Variants in NDC1 observed in about 807,000 individuals in gnomAD.
The protein encoded by NDC1 is nucleoporin NDC1.
A neutral mutation model predicts 89.8 loss-of-function variants in NDC1; 24 were observed. That is an observed-to-expected ratio of 0.27 (90% confidence interval 0.19 to 0.38). The LOEUF (loss-of-function observed/expected upper bound fraction) is 0.38. Among genes scored for constraint, NDC1 ranks in the 10% least tolerant of loss-of-function variants. NDC1 has a pLI of 1.00. For missense variants in NDC1, 728 were observed against 797.6 expected (o/e 0.91, Z 1.05); for synonymous variants, 296 against 284.8 (o/e 1.04, Z -0.39).
chr1:53,800,172 TAG>T (rs950685696), intron 11 of NDC1, among the ~76,000 whole-genome samples: 1 of 152,088 alleles, frequency 6.6e-6, no homozygotes, highest in Non-Finnish European at 1.5e-5. Flanking sequence ...TGCATATACT[TAG>T]AGTGTACAAC....
At chr1:53,787,956 G>A (rs905530534) in intron 15 of NDC1, among the ~76,000 whole-genome samples, 18 of 150,686 alleles carry the variant, frequency 1.2e-4, no homozygotes, top group Admixed American at 4.0e-4. Flanking sequence ...GCACTGAGAC[G>A]GCTGTATCTA....
intron 15 of NDC1, 44 bp downstream of exon 15, chr1:53,789,089 A>G (rs1298173039): frequency 3.2e-6 from 4 of 1,233,074 alleles, no homozygotes; most frequent in Non-Finnish European, 4.8e-6. Context: ...TCAATATTTA[A>G]CTGACAATTA....
chr1:53,773,999 C>T (rs1647141457), intron 16 of NDC1, among the ~76,000 whole-genome samples: 1 of 152,162 alleles, frequency 6.6e-6, no homozygotes, highest in South Asian at 2.1e-4. Flanking sequence ...TTACTTGGTG[C>T]TTCTCCCACC....
At chr1:53,825,500 A>C (rs758306100) in intron 5 of NDC1, among the ~76,000 whole-genome samples, 8 of 151,150 alleles carry the variant, frequency 5.3e-5, no homozygotes, top group Middle Eastern at 3.2e-3. Context: ...TGTCATCATC[A>C]TCTTCCCCAA....
At chr1:53,788,971 CTAAATA>C (rs1336898084) in intron 15 of NDC1, among the ~76,000 whole-genome samples, 156 bp downstream of exon 15, 3 of 151,430 alleles carry the variant, frequency 2.0e-5, no homozygotes, top group Non-Finnish European at 4.4e-5. Flanking sequence ...CAAAATACGC[CTAAATA>C]TATTTTTCAA....
At position 53,766,199 on chromosome 1, in the gene NDC1, C is replaced by A. The variant is rs1457069262; in HGVS notation, c.*1771G>T. 6.6e-6 allele frequency: 1 copy of A among 152,114 alleles called. No individual in the cohort carries two copies. The highest frequency in any genetic ancestry group is 1.5e-5 in the Non-Finnish European group (1 of 68,032). The allele number at this position is 152,114 out of a possible 1,614,324, so 9.4% of individuals were successfully genotyped here. ...ACCTAACCTAGCTGGACATTTTATA[C>A]AAGTAAGTCAAAGTTCAAAGGAATC... is the stretch of plus-strand genomic sequence containing the variant. On this transcript the variant is annotated 3_prime_UTR_variant, in exon 18 of 18. Transcript: ENST00000371429.
chr1:53,811,692 G>A (rs1443854671), intron 6 of NDC1, among the ~76,000 whole-genome samples: 1 of 150,038 alleles, frequency 6.7e-6, no homozygotes. Flanking sequence ...CAATACAAAG[G>A]ACATATAATC....
intron 14 of NDC1, among the ~76,000 whole-genome samples, chr1:53,790,075 C>T (rs1184019587): frequency 6.6e-6 from 1 of 151,204 alleles, no homozygotes; most frequent in East Asian, 1.9e-4. Flanking sequence ...TGCATTCCAG[C>T]CTGGGATAGC....
At chr1:53,781,046 C>T (rs1452304863) in intron 16 of NDC1, among the ~76,000 whole-genome samples, 1 of 151,810 alleles carries the variant, frequency 6.6e-6, no homozygotes, top group African/African-American at 2.4e-5. Context: ...TTTATAGACA[C>T]TGTCTCACTA....
intron 13 of NDC1, 109 bp downstream of exon 13, chr1:53,796,580 T>TAA (rs57490546): frequency 8.3e-4 from 358 of 430,948 alleles, no homozygotes; most frequent in South Asian, 2.1e-3. Context: ...ACACGAAGCA[T>TAA]AAAAAAAAAA....
At position 53,799,145 on chromosome 1, in the gene NDC1, C is replaced by CT. The variant is rs1336817085; in HGVS notation, c.1222+1547dup. ...ATATCTCTATAGAATAAAATCTAAA[C>CT]TTTTTTTGTTGCAAACAAGGCTTCC... On this transcript the variant is annotated intron_variant, in intron 11 of 17. Transcript: ENST00000371429. Among the ~76,000 whole-genome samples, 6 of 152,294 alleles carry CT rather than the reference C, an allele frequency of 3.9e-5. No individual in the cohort carries two copies. The South Asian group carries it at 1.0e-3, about 26-fold the overall frequency.
chr1:53,823,723 T>C (rs1045738796), intron 5 of NDC1, among the ~76,000 whole-genome samples: 1 of 152,226 alleles, frequency 6.6e-6, no homozygotes, highest in Non-Finnish European at 1.5e-5. Flanking sequence ...TTTTTCTCCT[T>C]GTGAAATTTT....
chr1:53,791,042 C>T (rs1187653195), intron 14 of NDC1, among the ~76,000 whole-genome samples: 1 of 152,190 alleles, frequency 6.6e-6, no homozygotes, highest in Non-Finnish European at 1.5e-5. Flanking sequence ...TCCTCCTACC[C>T]TCTACCCATC....
At chr1:53,778,371 C>T (rs1647179418) in intron 16 of NDC1, among the ~76,000 whole-genome samples, 1 of 150,902 alleles carries the variant, frequency 6.6e-6, no homozygotes, top group Admixed American at 6.6e-5. Flanking sequence ...GACTATAGAC[C>T]CATATTCTAT....
intron 6 of NDC1, among the ~76,000 whole-genome samples, chr1:53,813,306 T>A (rs772259099): frequency 6.6e-6 from 1 of 152,164 alleles, no homozygotes; most frequent in Non-Finnish European, 1.5e-5. Flanking sequence ...GTAAATGGCC[T>A]AAATCCTCCA....
intron 8 of NDC1, among the ~76,000 whole-genome samples, chr1:53,807,060 C>A (rs962340975): frequency 1.3e-5 from 2 of 151,806 alleles, no homozygotes; most frequent in Non-Finnish European, 2.9e-5. Context: ...ACCTGGCCAA[C>A]ATGGTGAAAC....
At chr1:53,771,635 T>A (rs952972979) in intron 17 of NDC1, among the ~76,000 whole-genome samples, 5 of 152,202 alleles carry the variant, frequency 3.3e-5, no homozygotes, top group African/African-American at 1.2e-4. Flanking sequence ...TAACTTTAAT[T>A]TAAATTGGAA....
Position 53,767,704 on chromosome 1 carries a change from GC to G in NDC1, c.*265del, listed in dbSNP as rs1455615974. The G allele has an allele frequency of 6.7e-6, 2 of 299,632 alleles. No homozygotes were observed. The highest frequency in any genetic ancestry group is 4.3e-5 in the African/African-American group (2 of 46,076). The allele number at this position is 299,632 out of a possible 1,614,324, so 18.6% of individuals were successfully genotyped here. A position where few individuals can be genotyped will look rare whatever the true frequency, so the allele number is the denominator to read the frequency against. The stretch of plus-strand genomic sequence containing the variant: ...TATATGAGCTAGAGACATTTCGACT[GC>G]CATCAATGCTTCTGTAAAATTGAAT... On this transcript the variant is annotated 3_prime_UTR_variant, in exon 18 of 18. Coordinates refer to ENST00000371429, the MANE Select transcript of NDC1 (RefSeq NM_018087.5).
intron 10 of NDC1, among the ~76,000 whole-genome samples, chr1:53,803,071 T>C (rs998566912): frequency 1.3e-5 from 2 of 152,022 alleles, no homozygotes; most frequent in Non-Finnish European, 2.9e-5. Context: ...AATTCTTTTT[T>C]GGGGTGGGGA....
Sources: allele counts gnomAD v4.1 joint callset (sites outside exome capture counted in the v4.1 genomes callset), GRCh38; gene constraint gnomAD v4.1.1; transcripts MANE v1.5; gene names NCBI Gene and HGNC (gene_info 2026-07-23, HGNC 2026-07-21).